The following SPTLC1 variants were observed in gnomAD, a reference collection of about 807,000 sequenced individuals.
SPTLC1 encodes the protein serine palmitoyltransferase long chain base subunit 1, also known as serine palmitoyltransferase 1.
In SPTLC1, 55 loss-of-function variants were observed where a neutral mutation model predicts 68.9. The observed-to-expected ratio is 0.80, with a 90% CI of 0.64 to 1.00. The LOEUF is 1.00. Among genes scored for constraint, SPTLC1 ranks in the 50% least tolerant of loss-of-function variants. SPTLC1 has a pLI of 0.00. For missense variants in SPTLC1, 449 were observed against 573.1 expected, an observed-to-expected ratio of 0.78 and a Z score of 2.21; for synonymous variants, 197 against 201.6, an observed-to-expected ratio of 0.98 and a Z score of 0.19.
intron 5 of SPTLC1, chr9:92,079,590 G>A (rs776542549): frequency 6.3e-7 from 1 of 1,587,960 alleles, no homozygotes; most frequent in East Asian, 2.2e-5. Flanking sequence ...AAACTACACT[G>A]TTTATCCCCC....
intron 3 of SPTLC1, among the ~76,000 whole-genome samples, chr9:92,087,603 A>T (rs1426246104): frequency 6.6e-6 from 1 of 152,148 alleles, no homozygotes; most frequent in African/African-American, 2.4e-5. Flanking sequence ...TTCCTCTGGA[A>T]GTTTTGTCTC....
chr9:92,031,892 A>T lies in SPTLC1; in HGVS notation c.*573T>A, dbSNP rs1832975077. On this transcript the variant is annotated 3_prime_UTR_variant, in exon 15 of 15. Coordinates refer to ENST00000262554, the MANE Select transcript of SPTLC1 (RefSeq NM_006415.4). ...GTGTGTACAAAAGTTCTAAGATTCA[A>T]ATACAATGCAAAGTTTATAATAATC... 5.8e-6 allele frequency: 1 copy of T among 173,178 alleles called. No homozygotes were observed. Among genetic ancestry groups the T allele is most frequent in the Non-Finnish European group, 1.2e-5 (1 of 81,676 alleles). The allele number at this position is 173,178 out of a possible 1,614,324, so 10.7% of individuals were successfully genotyped here.
At chr9:92,036,775 C>T (rs1833153992) in intron 13 of SPTLC1, among the ~76,000 whole-genome samples, 1 of 152,194 alleles carries the variant, frequency 6.6e-6, no homozygotes, top group Non-Finnish European at 1.5e-5. Context: ...TGTATGAGAA[C>T]TCTAATCACA....
At position 92,046,567 on chromosome 9, in the gene SPTLC1, A is replaced by G. The variant is rs865854914; in HGVS notation, c.1082-514T>C. On this transcript the variant is annotated intron_variant, in intron 11 of 14. Coordinates refer to ENST00000262554, the MANE Select transcript of SPTLC1 (RefSeq NM_006415.4). ...ACATTTTCTGGTTCTCTGAATTAGT[A>G]TCAGTGATGAAGATTCAGAAATACT... is the stretch of plus-strand genomic sequence containing the variant. 2.0e-5 allele frequency among the ~76,000 whole-genome samples: 3 copies of G among 152,332 alleles called. No individual in the cohort carries two copies. In the South Asian group the frequency reaches 6.2e-4, roughly 32 times the overall value.
intron 8 of SPTLC1, chr9:92,050,552 A>C (rs1228641952): frequency 6.2e-6 from 1 of 161,890 alleles, no homozygotes; most frequent in Admixed American, 5.9e-5. Flanking sequence ...TAGTGCAATG[A>C]ATCAACAGAC....
chr9:92,098,792 C>T (rs1835637323), intron 3 of SPTLC1, among the ~76,000 whole-genome samples: 1 of 152,062 alleles, frequency 6.6e-6, no homozygotes, highest in Non-Finnish European at 1.5e-5. Context: ...CAATGCAGAA[C>T]AGAGAAAGGA....
intron 6 of SPTLC1, among the ~76,000 whole-genome samples, chr9:92,067,068 C>T (rs1325278706): frequency 6.6e-6 from 1 of 151,888 alleles, no homozygotes; most frequent in African/African-American, 2.4e-5. Flanking sequence ...GAGGCCGAGG[C>T]AGGTGGATCA....
At chr9:92,073,670 A>C (rs1319875527) in intron 5 of SPTLC1, among the ~76,000 whole-genome samples, 1 of 152,202 alleles carries the variant, frequency 6.6e-6, no homozygotes, top group Non-Finnish European at 1.5e-5. Context: ...TATTAGAAAG[A>C]AACTTCAAAA....
chr9:92,080,434 G>A (rs1186942635), intron 4 of SPTLC1, among the ~76,000 whole-genome samples: 2 of 152,200 alleles, frequency 1.3e-5, no homozygotes, highest in Non-Finnish European at 2.9e-5. Flanking sequence ...GCCTAACACT[G>A]AGCCACATAA....
intron 5 of SPTLC1, among the ~76,000 whole-genome samples, chr9:92,073,942 G>A (rs549041793): frequency 5.9e-5 from 9 of 152,272 alleles, no homozygotes; most frequent in East Asian, 1.9e-4. Context: ...CCCACGGCCC[G>A]GGATTCCTTC....
At chr9:92,049,188 C>T (rs562189043) in intron 9 of SPTLC1, among the ~76,000 whole-genome samples, 42 of 152,256 alleles carry the variant, frequency 2.8e-4, no homozygotes, top group Admixed American at 7.2e-4. Context: ...ATATGGTTAG[C>T]GGGATGTCGA....
At position 92,092,021 on chromosome 9, in the gene SPTLC1, A is replaced by T. The variant is rs555219387; in HGVS notation, c.261-11058T>A. Among the ~76,000 whole-genome samples the T allele has an allele frequency of 1.4e-3, 211 of 152,312 alleles. 1 individual carries two copies. Among genetic ancestry groups the T allele is most frequent in the African/African-American group, 3.8e-3 (160 of 41,582 alleles). ...TAAACAATTTAAAAACGAAACAGAG[A>T]CAGAGAATGAATCCATACGGTGGGT... On this transcript the variant is annotated intron_variant, in intron 3 of 14. Coordinates refer to ENST00000262554, the MANE Select transcript of SPTLC1 (RefSeq NM_006415.4).
intron 3 of SPTLC1, among the ~76,000 whole-genome samples, chr9:92,094,329 A>G (rs1238887970): frequency 2.0e-5 from 3 of 152,226 alleles, no homozygotes; most frequent in Non-Finnish European, 4.4e-5. Flanking sequence ...TTAAAATACA[A>G]TGATGTTTTC....
intron 8 of SPTLC1, chr9:92,050,822 T>TTTTTTTTTTC: frequency 6.8e-6 from 1 of 146,546 alleles, no homozygotes; most frequent in African/African-American, 2.9e-5. Flanking sequence ...TTTTTTTTTT[T>TTTTTTTTTTC]TTTTTTTTGA....
At chr9:92,041,294 ATTTATC>A (rs1290296310) in intron 12 of SPTLC1, among the ~76,000 whole-genome samples, 2 of 152,356 alleles carry the variant, frequency 1.3e-5, no homozygotes, top group East Asian at 1.9e-4. Flanking sequence ...CTTTGAAAAT[ATTTATC>A]TTTAATATAT....
chr9:92,034,433 T>G (rs2118342550), intron 14 of SPTLC1, among the ~76,000 whole-genome samples: 1 of 152,334 alleles, frequency 6.6e-6, no homozygotes, highest in East Asian at 1.9e-4. Flanking sequence ...CAGAGGCGCA[T>G]GCCCACCCCC....
At chr9:92,076,331 T>C (rs999467800) in intron 5 of SPTLC1, among the ~76,000 whole-genome samples, 1 of 152,190 alleles carries the variant, frequency 6.6e-6, no homozygotes, top group African/African-American at 2.4e-5. Flanking sequence ...CTGATCCCAT[T>C]GCCCAAGGAA....
At chr9:92,048,528 A>C (rs1190372435) in intron 9 of SPTLC1, among the ~76,000 whole-genome samples, 1 of 152,204 alleles carries the variant, frequency 6.6e-6, no homozygotes, top group African/African-American at 2.4e-5. Context: ...GTAGAACAGA[A>C]CAAAGAATCC....
chr9:92,075,778 ACT>A (rs1163114046), intron 5 of SPTLC1, among the ~76,000 whole-genome samples: 20 of 151,784 alleles, frequency 1.3e-4, no homozygotes, highest in African/African-American at 4.8e-4. Flanking sequence ...AGCTCTATTC[ACT>A]CTTTATTGAA....
Sources: gnomAD v4.1 joint callset for allele counts (sites outside exome capture counted in the v4.1 genomes callset) on GRCh38, gnomAD v4.1.1 for gene constraint, MANE v1.5 for transcripts, NCBI Gene and HGNC (gene_info 2026-07-23, HGNC 2026-07-21) for gene names.